Variants in ABCB1 observed in about 807,000 individuals in gnomAD.
ABCB1 encodes ATP-dependent translocase ABCB1.
ABCB1 carries 69 observed loss-of-function variants against 142.0 expected under a neutral mutation model. That is an observed-to-expected ratio of 0.49 (90% CI 0.40 to 0.59). ABCB1 has a LOEUF of 0.59. Ranked by LOEUF, ABCB1 falls within the 20% of genes least tolerant of loss-of-function variation. ABCB1 has a pLI of 0.00. For missense variants in ABCB1, 1,326 were observed against 1,554.7 expected (o/e 0.85, Z 2.47); for synonymous variants, 532 against 539.2 (o/e 0.99, Z 0.18).
intron 3 of ABCB1, among the ~76,000 whole-genome samples, chr7:87,586,175 G>C (rs552881455): frequency 6.6e-6 from 1 of 152,144 alleles, no homozygotes; most frequent in Non-Finnish European, 1.5e-5. Context: ...AAGATAATTA[G>C]GCCTCAAGAA....
upstream of ABCB1, among the ~76,000 whole-genome samples, chr7:87,602,437 TG>T (rs1315362898): frequency 6.6e-6 from 1 of 152,084 alleles, no homozygotes; most frequent in Non-Finnish European, 1.5e-5. Context: ...GTGGTCCATC[TG>T]GGGTAAATGT....
At chr7:87,507,848 C>CT (rs1814817597) in intron 26 of ABCB1, among the ~76,000 whole-genome samples, 1 of 152,166 alleles carries the variant, frequency 6.6e-6, no homozygotes, top group African/African-American at 2.4e-5. Flanking sequence ...ATGGATGCAG[C>CT]TGGAGGCCAT....
At chr7:87,522,546 T>C in intron 21 of ABCB1, 1 of 464,582 alleles carries the variant, frequency 2.2e-6, no homozygotes, top group South Asian at 1.6e-5. Context: ...CAAGAAGACA[T>C]GTTTTAGACA....
intron 4 of ABCB1, among the ~76,000 whole-genome samples, chr7:87,582,372 A>G: frequency 6.6e-6 from 1 of 151,954 alleles, no homozygotes; most frequent in Middle Eastern, 3.2e-3. Flanking sequence ...TTTCCAATGC[A>G]TTTTATTTAT....
At chr7:87,603,662 C>G (rs1162452083), upstream of ABCB1, among the ~76,000 whole-genome samples, 1 of 152,220 alleles carries the variant, frequency 6.6e-6, no homozygotes. Context: ...GCTTTTCACT[C>G]TGTGCTTTTC....
rs1822166417 is a variant in ABCB1 at position 87,639,122 on chromosome 7, C to A, written c.-330-38044G>T. On this transcript the variant is annotated intron_variant, in intron 1 of 28. Coordinates refer to the ABCB1 transcript ENST00000265724. ...AGAAGAGACGGCACACCACTGCACTCCAGCCTGGGCGACAGAGTGAGACTC... is the reference window on the plus strand; with the variant it reads ...AGAAGAGACGGCACACCACTGCACTACAGCCTGGGCGACAGAGTGAGACTC... 2.1e-5 allele frequency among the ~76,000 whole-genome samples: 3 copies of A among 142,060 alleles called. No homozygotes were observed. The South Asian group carries it at 6.6e-4, about 31-fold the overall frequency. The allele number at this position is 142,060 out of a possible 152,430, so 93.2% of individuals were successfully genotyped here.
chr7:87,668,459 TG>T (rs928149746), intron 1 of ABCB1, among the ~76,000 whole-genome samples: 12 of 152,020 alleles, frequency 7.9e-5, no homozygotes, highest in Non-Finnish European at 1.2e-4. Context: ...ATCTTTTGAT[TG>T]TTTTTTTTGT....
intron 1 of ABCB1, among the ~76,000 whole-genome samples, chr7:87,671,200 G>A (rs1231440278): frequency 2.0e-5 from 3 of 152,190 alleles, no homozygotes; most frequent in Non-Finnish European, 4.4e-5. Flanking sequence ...TGTGGGAGAC[G>A]TACTGGCCTC....
intron 7 of ABCB1, 87 bp downstream of exon 7, chr7:87,565,983 A>G (rs969698458): frequency 4.9e-6 from 7 of 1,414,366 alleles, no homozygotes; most frequent in Non-Finnish European, 7.0e-6. Context: ...AATCAGAGTC[A>G]TCATGTAGTA....
chr7:87,691,185 T>G (rs1042109456), intron 1 of ABCB1, among the ~76,000 whole-genome samples: 2 of 152,146 alleles, frequency 1.3e-5, no homozygotes, highest in African/African-American at 4.8e-5. Context: ...TGGCCAATAG[T>G]CTTTTCTGTG....
intron 1 of ABCB1, among the ~76,000 whole-genome samples, chr7:87,613,518 G>T (rs1819931825): frequency 6.6e-6 from 1 of 151,916 alleles, no homozygotes; most frequent in South Asian, 2.1e-4. Flanking sequence ...ATACGCCATG[G>T]AATACTACAG....
intron 1 of ABCB1, among the ~76,000 whole-genome samples, chr7:87,636,631 C>A (rs1821802365): frequency 6.6e-6 from 1 of 152,150 alleles, no homozygotes; most frequent in Non-Finnish European, 1.5e-5. Flanking sequence ...CCAGCCTACT[C>A]CAAAGTAATG....
At chr7:87,669,838 C>T (rs1825655770) in intron 1 of ABCB1, among the ~76,000 whole-genome samples, 1 of 152,158 alleles carries the variant, frequency 6.6e-6, no homozygotes, top group Non-Finnish European at 1.5e-5. Flanking sequence ...CTGAGAGGTC[C>T]ACTGTTAGCC....
intron 1 of ABCB1, among the ~76,000 whole-genome samples, chr7:87,679,717 A>G (rs1416626215): frequency 6.7e-6 from 1 of 150,366 alleles, no homozygotes; most frequent in Non-Finnish European, 1.5e-5. Flanking sequence ...TAACATTTAT[A>G]AAATACTCCT....
At chr7:87,658,428 G>A (rs1824338570) in intron 1 of ABCB1, among the ~76,000 whole-genome samples, 2 of 152,108 alleles carry the variant, frequency 1.3e-5, no homozygotes, top group Non-Finnish European at 2.9e-5. Context: ...GATGACACCT[G>A]TCAGAATTCT....
chr7:87,546,151 C>T (rs752079422), intron 14 of ABCB1, 127 bp from the exon 15 acceptor site: 21 of 851,870 alleles, frequency 2.5e-5, no homozygotes, highest in Non-Finnish European at 4.0e-5. Flanking sequence ...ATAAGATAGC[C>T]TCTGACTTCA....
intron 4 of ABCB1, among the ~76,000 whole-genome samples, chr7:87,584,971 A>T (rs1422561116): frequency 6.7e-6 from 1 of 149,988 alleles, no homozygotes; most frequent in South Asian, 2.1e-4. Flanking sequence ...ACACACACAC[A>T]CAATTTTGCC....
chr7:87,561,618 G>T (rs1002426719), intron 7 of ABCB1, among the ~76,000 whole-genome samples: 1 of 152,140 alleles, frequency 6.6e-6, no homozygotes, highest in South Asian at 2.1e-4. Flanking sequence ...ATGAAAGCTG[G>T]ATCAATTGCA....
At chr7:87,593,327 T>C (rs540427270) in intron 3 of ABCB1, among the ~76,000 whole-genome samples, 2 of 152,262 alleles carry the variant, frequency 1.3e-5, no homozygotes, top group Non-Finnish European at 2.9e-5. Flanking sequence ...TCTACTTTTG[T>C]GTTTCTGTAA....
Sources: gnomAD v4.1 joint callset for allele counts (sites outside exome capture counted in the v4.1 genomes callset) on GRCh38, gnomAD v4.1.1 for gene constraint, MANE v1.5 for transcripts, NCBI Gene and HGNC (gene_info 2026-07-23, HGNC 2026-07-21) for gene names.